Variants in PTK2 observed in about 807,000 individuals in gnomAD.
PTK2 encodes protein tyrosine kinase 2.
Under a neutral mutation model 150.1 loss-of-function variants are expected in PTK2, and 45 were observed. That is an observed-to-expected ratio of 0.30 (90% CI 0.24 to 0.38). PTK2 has a LOEUF of 0.38. PTK2 is among the 10% of genes least tolerant of loss of function. PTK2 has a pLI of 1.00. For synonymous variants in PTK2, 432 were observed against 449.2 expected, an observed-to-expected ratio of 0.96 and a Z score of 0.48; for missense variants, 919 against 1,307.3, an observed-to-expected ratio of 0.70 and a Z score of 4.58.
In PTK2 at chr8:140,852,501, T is replaced by C. The variant is rs146826922; in HGVS notation, c.451-5823A>G. Among the ~76,000 whole-genome samples, 449 of 152,350 alleles carry C rather than the reference T, an allele frequency of 2.9e-3. 3 individuals carry two copies. Among genetic ancestry groups the C allele is most frequent in the Middle Eastern group, 0.02 (6 of 294 alleles). On this transcript the variant is annotated intron_variant, in intron 5 of 31. Transcript: ENST00000522684. Reference sequence around the variant, plus strand: ...ATTAGGTTTGCAGTCTAGTTAACAGTATTCTGCCAGTATCAATTTCCTTAT... The same window carrying C: ...ATTAGGTTTGCAGTCTAGTTAACAGCATTCTGCCAGTATCAATTTCCTTAT...
chr8:140,905,189 G>GT (rs1296979625), intron 2 of PTK2, among the ~76,000 whole-genome samples: 2 of 152,026 alleles, frequency 1.3e-5, no homozygotes, highest in Non-Finnish European at 2.9e-5. Flanking sequence ...AACTTTAAAT[G>GT]TAAGTGTGCT....
intron 1 of PTK2, among the ~76,000 whole-genome samples, chr8:140,950,610 T>G (rs530823930): frequency 6.6e-6 from 1 of 152,192 alleles, no homozygotes; most frequent in East Asian, 1.9e-4. Flanking sequence ...CCAAGCCGAG[T>G]AGGCGAACAA....
At chr8:140,916,757 T>C (rs1339785339) in intron 2 of PTK2, among the ~76,000 whole-genome samples, 1 of 152,148 alleles carries the variant, frequency 6.6e-6, no homozygotes, top group Non-Finnish European at 1.5e-5. Flanking sequence ...ATTTTTCTAT[T>C]TGGGTGTGTA....
chr8:140,713,339 C>T (rs529667005), intron 23 of PTK2, among the ~76,000 whole-genome samples: 1 of 152,166 alleles, frequency 6.6e-6, no homozygotes, highest in Non-Finnish European at 1.5e-5. Context: ...CAGCTCAGTG[C>T]AACCTGTGCC....
At chr8:140,939,189 T>C (rs758449697) in intron 1 of PTK2, among the ~76,000 whole-genome samples, 13 of 152,146 alleles carry the variant, frequency 8.5e-5, no homozygotes, top group Admixed American at 2.6e-4. Context: ...TAAAAGTATA[T>C]CCTAACCTTT....
At chr8:140,824,945 A>AT (rs1567073689) in intron 8 of PTK2, among the ~76,000 whole-genome samples, 1 of 152,230 alleles carries the variant, frequency 6.6e-6, no homozygotes, top group African/African-American at 2.4e-5. Context: ...AGGATGAACC[A>AT]TAAGAAACTG....
At chr8:140,711,297 G>C (rs1388964315) in intron 23 of PTK2, among the ~76,000 whole-genome samples, 2 of 152,122 alleles carry the variant, frequency 1.3e-5, no homozygotes, top group Non-Finnish European at 2.9e-5. Context: ...AGTACAGACA[G>C]GGTTTCGCCA....
chr8:140,958,326 G>A (rs1030242758), intron 1 of PTK2, among the ~76,000 whole-genome samples: 2 of 151,832 alleles, frequency 1.3e-5, no homozygotes, highest in African/African-American at 4.8e-5. Context: ...TTAATTTTTT[G>A]TAGAGACAGG....
intron 10 of PTK2, among the ~76,000 whole-genome samples, chr8:140,812,802 T>C (rs908351240): frequency 2.6e-5 from 4 of 151,952 alleles, no homozygotes; most frequent in Admixed American, 1.3e-4. Flanking sequence ...TACATAATGG[T>C]AAAGGGTTCA....
At chr8:140,924,276 A>T (rs1202644355) in intron 2 of PTK2, among the ~76,000 whole-genome samples, 4 of 152,092 alleles carry the variant, frequency 2.6e-5, no homozygotes, top group Non-Finnish European at 4.4e-5. Context: ...AACAAGGCCT[A>T]TCCAGACCAC....
intron 27 of PTK2, among the ~76,000 whole-genome samples, chr8:140,681,874 G>T (rs568114837): frequency 6.6e-6 from 1 of 152,326 alleles, no homozygotes; most frequent in African/African-American, 2.4e-5. Context: ...TATGCTGGAG[G>T]TTGCAAATTT....
intron 7 of PTK2, chr8:140,833,025 T>C (rs985219468): frequency 7.7e-6 from 4 of 518,918 alleles, no homozygotes; most frequent in African/African-American, 1.9e-5. Flanking sequence ...CTAAAGAACT[T>C]ACCATATTCA....
intron 27 of PTK2, among the ~76,000 whole-genome samples, chr8:140,679,826 C>T (rs1304487282): frequency 6.6e-6 from 1 of 152,192 alleles, no homozygotes; most frequent in African/African-American, 2.4e-5. Context: ...TCAAAGGGTT[C>T]TCCCTGAAGC....
chr8:140,963,796 A>G (rs1318194124), intron 1 of PTK2, among the ~76,000 whole-genome samples: 1 of 152,100 alleles, frequency 6.6e-6, no homozygotes. Context: ...TTCCTCCTCA[A>G]AATATTTCTC....
intron 18 of PTK2, among the ~76,000 whole-genome samples, chr8:140,745,717 C>T (rs1443782802): frequency 2.0e-5 from 3 of 152,046 alleles, no homozygotes; most frequent in Non-Finnish European, 4.4e-5. Context: ...AAAGAAAGTA[C>T]GGCCATGCAC....
intron 8 of PTK2, among the ~76,000 whole-genome samples, chr8:140,819,655 C>A (rs1194951247): frequency 6.6e-6 from 1 of 152,150 alleles, no homozygotes; most frequent in Admixed American, 6.5e-5. Context: ...TACATTGTTA[C>A]ATGAAAAAAG....
chr8:140,813,601 G>C (rs1205607587), intron 10 of PTK2, among the ~76,000 whole-genome samples: 1 of 152,112 alleles, frequency 6.6e-6, no homozygotes, highest in Admixed American at 6.6e-5. Flanking sequence ...AAATGAATGA[G>C]AACCAAGACA....
chr8:140,693,564 T>TAAAAAA (rs377205785), intron 26 of PTK2, among the ~76,000 whole-genome samples: 9 of 72,456 alleles, frequency 1.2e-4, no homozygotes, highest in East Asian at 9.2e-4. Context: ...TTGTCTCAAT[T>TAAAAAA]AAAAAAAAAA....
chr8:140,954,649 T>C (rs1000570782), intron 1 of PTK2: 2 of 152,190 alleles, frequency 1.3e-5, no homozygotes, highest in Non-Finnish European at 2.9e-5. Context: ...TTTTGTTTAT[T>C]TCTATTGTAC....
Sources: gnomAD v4.1 joint callset for allele counts (sites outside exome capture counted in the v4.1 genomes callset) on GRCh38, gnomAD v4.1.1 for gene constraint, MANE v1.5 for transcripts, NCBI Gene and HGNC (gene_info 2026-07-23, HGNC 2026-07-21) for gene names.